The following DOP1B variants were observed in gnomAD, a reference collection of about 807,000 sequenced individuals.
DOP1B encodes the protein DOP1 leucine zipper like protein B, also known as protein DOP1B.
A neutral mutation model predicts 233.5 loss-of-function variants in DOP1B; 174 were observed. The observed-to-expected ratio is 0.75, with a 90% CI of 0.66 to 0.85. The LOEUF is 0.85. Among genes scored for constraint, DOP1B ranks in the 40% least tolerant of loss-of-function variants. DOP1B has a pLI of 0.00. For synonymous variants in DOP1B, 1,190 were observed against 1,185.6 expected (o/e 1.00, Z -0.08); for missense variants, 2,652 against 2,846.6 (o/e 0.93, Z 1.56).
chr21:36,163,370 A>G (rs969645918), intron 1 of DOP1B, among the ~76,000 whole-genome samples: 1 of 149,692 alleles, frequency 6.7e-6, no homozygotes, highest in Non-Finnish European at 1.5e-5. Context: ...GAAAGAAAGA[A>G]AGTAGTGGTG....
At chr21:36,253,688 A>G in intron 22 of DOP1B, 84 bp from the exon 23 acceptor site, 1 of 1,413,816 alleles carries the variant, frequency 7.1e-7, no homozygotes, top group Admixed American at 2.1e-5. Flanking sequence ...AGGGACGACT[A>G]CTGTAGAATA....
chr21:36,246,763 G>A lies in DOP1B; in HGVS notation c.4697+86G>A, dbSNP rs758518104. The A allele has an allele frequency of 4.0e-6, 6 of 1,490,690 alleles. No homozygotes were observed. The highest frequency in any genetic ancestry group is 3.6e-4 in the Middle Eastern group (2 of 5,536). 92.3% of individuals were successfully genotyped at this position (1,490,690 alleles called of 1,614,324 possible). On this transcript the variant is annotated intron_variant, in intron 19 of 36. Transcript: ENST00000691173. This position sits in a 1 kb window ranked among gnomAD's most constrained non-coding sequence, Gnocchi z 5.1. ...TGTTTTGCCACGGATGTGGATGTCGGTTGGAGGATAATTTCATCCCAATGA... is the reference window on the plus strand; with the variant it reads ...TGTTTTGCCACGGATGTGGATGTCGATTGGAGGATAATTTCATCCCAATGA...
chr21:36,158,084 C>T (rs1044515531), intron 1 of DOP1B, among the ~76,000 whole-genome samples: 2 of 152,020 alleles, frequency 1.3e-5, no homozygotes, highest in Non-Finnish European at 2.9e-5. Flanking sequence ...CAGGTATGAG[C>T]CACAGTGCCC....
At chr21:36,242,472 G>A (rs2123580598) in intron 18 of DOP1B, among the ~76,000 whole-genome samples, 1 of 152,152 alleles carries the variant, frequency 6.6e-6, no homozygotes, top group East Asian at 1.9e-4. Flanking sequence ...ACCATGCCCA[G>A]CCTTAGTTTT....
chr21:36,280,032 C>A lies in DOP1B; in HGVS notation c.5970-253C>A, dbSNP rs142209200. 6.4e-3 allele frequency among the ~76,000 whole-genome samples: 978 copies of A among 152,246 alleles called. 7 individuals are homozygous for A. Among genetic ancestry groups the A allele is most frequent in the Middle Eastern group, 0.061 (18 of 294 alleles). ...CTGGGATTACAGGCATGCGCCACCA[C>A]GCCCTGCTAATTTTGTATTTTTAGT... On this transcript the variant is annotated intron_variant, in intron 30 of 36. Transcript: ENST00000691173.
intron 9 of DOP1B, among the ~76,000 whole-genome samples, 175 bp downstream of exon 9, chr21:36,214,731 C>T (rs969666991): frequency 2.6e-5 from 4 of 152,158 alleles, no homozygotes; most frequent in Admixed American, 2.0e-4. Flanking sequence ...TGGTCACTTA[C>T]AAGTTTTGCA....
chr21:36,245,089 A>T lies in DOP1B; in HGVS notation c.3109A>T (p.Arg1037Ter). The T allele has an allele frequency of 6.2e-7, 1 of 1,602,804 alleles. No homozygotes were observed. The highest frequency in any genetic ancestry group is 8.5e-7 in the Non-Finnish European group (1 of 1,170,906). Residue 1037 changes from arginine (R) to a stop codon, truncating the protein, a stop_gained, in exon 19 of 37, where the codon AGA (arginine) becomes TGA (stop). Coordinates refer to ENST00000691173, the MANE Select transcript of DOP1B (RefSeq NM_001320714.2). LOFTEE classifies it high-confidence loss of function. The surrounding 1 kb of genome is among the most constrained non-coding windows in gnomAD (Gnocchi z 5.5). ...GTTTAACAGGAAGAAAACCTCTTTC[A>T]GAGAGGCATGCGCAGTGCCCGAGCC... ...RWFNRKKTSF[R>*]EACAVPEPQE... is the part of the protein sequence containing the mutation.
rs56725433 is a variant in DOP1B, at chr21:36,204,658, A to ATTTTTTTTTTTTTTT, written c.492-4055_492-4041dup. Among the ~76,000 whole-genome samples, 49 of 115,168 alleles carry ATTTTTTTTTTTTTTT rather than the reference A, an allele frequency of 4.3e-4. 2 individuals are homozygous for ATTTTTTTTTTTTTTT. Among genetic ancestry groups the ATTTTTTTTTTTTTTT allele is most frequent in the Non-Finnish European group, 5.8e-4 (34 of 58,208 alleles). 75.6% of individuals were successfully genotyped at this position (115,168 alleles called of 152,430 possible). ...GCCACCCCTTTTGGCTGACATTTCT[A>ATTTTTTTTTTTTTTT]TTTTTTTTTTTTTTTTGAGACAGTC... is the stretch of plus-strand genomic sequence containing the variant. On this transcript the variant is annotated intron_variant, in intron 4 of 36. Coordinates refer to ENST00000691173, the MANE Select transcript of DOP1B (RefSeq NM_001320714.2).
intron 15 of DOP1B, among the ~76,000 whole-genome samples, chr21:36,236,774 T>C (rs1054266809): frequency 2.6e-5 from 3 of 113,980 alleles, no homozygotes; most frequent in African/African-American, 8.9e-5. Context: ...TCTTTTTCTT[T>C]TTCTTTTTTT....
intron 16 of DOP1B, 65 bp from the exon 17 acceptor site, chr21:36,238,535 TG>T: frequency 7.4e-7 from 1 of 1,347,178 alleles, no homozygotes; most frequent in Non-Finnish European, 1.1e-6. Flanking sequence ...ATGGGGTTTA[TG>T]GTGACTGAAG....
At chr21:36,158,398 C>A (rs536196168) in intron 1 of DOP1B, among the ~76,000 whole-genome samples, 1 of 152,310 alleles carries the variant, frequency 6.6e-6, no homozygotes, top group Non-Finnish European at 1.5e-5. Flanking sequence ...GAGCTCGAAT[C>A]TGGTTCTGCT....
At chr21:36,229,155 G>A (rs747661452) in intron 13 of DOP1B, among the ~76,000 whole-genome samples, 3 of 152,064 alleles carry the variant, frequency 2.0e-5, no homozygotes, top group African/African-American at 4.8e-5. Flanking sequence ...TGGTTATTTC[G>A]AATATAAGCG....
intron 2 of DOP1B, chr21:36,169,776 C>A: frequency 1.6e-6 from 2 of 1,259,512 alleles, no homozygotes; most frequent in East Asian, 2.3e-5. Context: ...CCTGCCATTT[C>A]TTGCAGTACT....
intron 2 of DOP1B, among the ~76,000 whole-genome samples, chr21:36,189,104 T>C (rs2066200412): frequency 6.6e-6 from 1 of 152,206 alleles, no homozygotes; most frequent in African/African-American, 2.4e-5. Flanking sequence ...TGCCGTGTCC[T>C]GGGGACTGTC....
chr21:36,288,883 G>T lies in DOP1B; in HGVS notation c.6353+72G>T. On this transcript the variant is annotated intron_variant, in intron 34 of 36. Transcript: ENST00000691173. ...TAAAGCACGTCACTTTAGATATAGA[G>T]TTGTCTAATGTTAAATGCTGTTATC... The T allele has an allele frequency of 1.6e-5, 23 of 1,445,400 alleles. No homozygotes were observed. The South Asian group carries it at 2.8e-4, about 18-fold the overall frequency. The allele number at this position is 1,445,400 out of a possible 1,614,324, so 89.5% of individuals were successfully genotyped here. A position where few individuals can be genotyped will look rare whatever the true frequency, so the allele number is the denominator to read the frequency against.
chr21:36,205,513 C>T (rs570737815), intron 4 of DOP1B, among the ~76,000 whole-genome samples: 2 of 152,104 alleles, frequency 1.3e-5, no homozygotes, highest in South Asian at 2.1e-4. Context: ...CTCAGCCTCA[C>T]GAGAAGCTGG....
In DOP1B at chr21:36,284,265, C is replaced by CTTTTTTTTTT. The variant is rs71326667; in HGVS notation, c.6160+2668_6160+2677dup. On this transcript the variant is annotated intron_variant, in intron 32 of 36. Transcript: ENST00000691173. ...GTGGCCAACCACCTGTTCCTTCTTT[C>CTTTTTTTTTT]TTTTTTTTTTTTTTTTTTTTTTTGA... Among the ~76,000 whole-genome samples the CTTTTTTTTTT allele has an allele frequency of 3.7e-4, 28 of 75,874 alleles. 1 individual carries two copies. Among genetic ancestry groups the CTTTTTTTTTT allele is most frequent in the African/African-American group, 7.6e-4 (13 of 17,134 alleles). 49.8% of individuals were successfully genotyped at this position (75,874 alleles called of 152,430 possible).
chr21:36,214,598 A>G, intron 9 of DOP1B, 42 bp downstream of exon 9: 4 of 1,511,952 alleles, frequency 2.6e-6, no homozygotes, highest in Non-Finnish European at 3.6e-6. Flanking sequence ...CTGAATACAG[A>G]TTACCTGTTT....
At chr21:36,257,166 G>A (rs189065400) in intron 23 of DOP1B, among the ~76,000 whole-genome samples, 160 of 152,284 alleles carry the variant, frequency 1.1e-3, no homozygotes, top group African/African-American at 3.5e-3. Context: ...GAAGGGATGC[G>A]TAGGGCAAGG....
Sources: allele counts gnomAD v4.1 joint callset (sites outside exome capture counted in the v4.1 genomes callset), GRCh38; gene constraint gnomAD v4.1.1; non-coding constraint Gnocchi (gnomAD v3.1); transcripts MANE v1.5; gene names NCBI Gene and HGNC (gene_info 2026-07-23, HGNC 2026-07-21).